The following C8orf89 variants were observed in gnomAD, a reference collection of about 807,000 sequenced individuals.
C8orf89 encodes chromosome 8 open reading frame 89, also known as putative uncharacterized protein C8orf89.
Under a neutral mutation model 15.8 loss-of-function variants are expected in C8orf89, and 14 were observed. That is an observed-to-expected ratio of 0.89 (90% CI 0.59 to 1.39). The LOEUF is 1.39. C8orf89 is among the 40% of genes most tolerant of loss of function. The pLI is 0.00. For synonymous variants in C8orf89, 55 were observed against 62.2 expected, an observed-to-expected ratio of 0.88 and a Z score of 0.54; for missense variants, 181 against 184.5, an observed-to-expected ratio of 0.98 and a Z score of 0.11.
the C8orf89 span, among the ~76,000 whole-genome samples, chr8:73,270,231 C>A: frequency 6.6e-6 from 1 of 152,134 alleles, no homozygotes; most frequent in African/African-American, 2.4e-5. Context: ...ACCCCCATCC[C>A]AATACCAAAC....
intron 3 of C8orf89, among the ~76,000 whole-genome samples, chr8:73,242,072 T>A (rs1056201635): frequency 6.6e-6 from 1 of 152,126 alleles, no homozygotes; most frequent in East Asian, 1.9e-4. Flanking sequence ...CTCCAGGACA[T>A]GGGAGTGGTC....
In C8orf89 at chr8:73,256,968, T is replaced by C. The variant is rs1337115193; in HGVS notation, c.281+5A>G. On this transcript the variant is annotated splice_donor_5th_base_variant and intron_variant, in intron 2 of 3. Coordinates refer to ENST00000624510, the MANE Select transcript of C8orf89 (RefSeq NM_001243237.3). ...ACAAATGAGAATTAAATAGCAATGA[T>C]CTACCTGACTGCAGACACCTCGGCA... 8.5e-6 allele frequency: 13 copies of C among 1,530,138 alleles called. No homozygotes were observed. The highest frequency in any genetic ancestry group is 1.2e-5 in the South Asian group (1 of 82,616). 94.8% of individuals were successfully genotyped at this position (1,530,138 alleles called of 1,614,324 possible).
the C8orf89 span, among the ~76,000 whole-genome samples, chr8:73,284,052 A>AG: frequency 1.3e-5 from 2 of 151,900 alleles, no homozygotes; most frequent in African/African-American, 4.8e-5. Flanking sequence ...TAAAAAAAAA[A>AG]AAGAAAAAAA....
the C8orf89 span, chr8:73,277,829 T>C: frequency 1.4e-6 from 1 of 713,738 alleles, no homozygotes; most frequent in Non-Finnish European, 2.7e-6. Context: ...CAGGTCCATT[T>C]TCTTTTCCCA....
At chr8:73,253,981 T>C (rs1473302738) in intron 2 of C8orf89, among the ~76,000 whole-genome samples, 1 of 151,818 alleles carries the variant, frequency 6.6e-6, no homozygotes, top group Non-Finnish European at 1.5e-5. Context: ...TGAATAGGAG[T>C]GGTGAGAGAG....
At chr8:73,274,824 G>A in the C8orf89 span, among the ~76,000 whole-genome samples, 4 of 151,942 alleles carry the variant, frequency 2.6e-5, no homozygotes, top group African/African-American at 9.7e-5. Context: ...TTTTTCACTC[G>A]AGATTGAGTC....
the C8orf89 span, among the ~76,000 whole-genome samples, chr8:73,282,176 C>T: frequency 6.6e-6 from 1 of 152,188 alleles, no homozygotes; most frequent in Non-Finnish European, 1.5e-5. Flanking sequence ...ACGATATACA[C>T]ATAAATGTGT....
At chr8:73,260,936 G>A (rs1813514360), upstream of C8orf89, among the ~76,000 whole-genome samples, 1 of 152,146 alleles carries the variant, frequency 6.6e-6, no homozygotes, top group Non-Finnish European at 1.5e-5. Context: ...AGGCAAACGT[G>A]GAAGGACTTG....
chr8:73,243,077 T>G (rs1344902334), intron 3 of C8orf89, among the ~76,000 whole-genome samples: 2 of 152,186 alleles, frequency 1.3e-5, no homozygotes, highest in African/African-American at 4.8e-5. Context: ...TCACATATTC[T>G]CAGTTATTTG....
Position 73,257,078 on chromosome 8 carries a change from A to G in C8orf89, c.176T>C (p.Met59Thr), listed in dbSNP as rs1183318143. Reference sequence around the variant, plus strand: ...ACTTTGCAGTCCTGGTAAATATGGCATTTTGATACATTCCTTGAGCTCTTC... The same window carrying G: ...ACTTTGCAGTCCTGGTAAATATGGCGTTTTGATACATTCCTTGAGCTCTTC... ...GLEELKECIK[M>T]PYLPGLQSCQ... The change falls in exon 2 of 4, where the codon ATG (methionine) becomes ACG (threonine). Residue 59 changes from methionine (M) to threonine (T), a missense_variant. Transcript: ENST00000624510. 7.8e-6 allele frequency: 12 copies of G among 1,535,468 alleles called. No individual in the cohort carries two copies. The highest frequency in any genetic ancestry group is 3.3e-4 in the Middle Eastern group (2 of 6,012).
At chr8:73,271,173 G>A in the C8orf89 span, among the ~76,000 whole-genome samples, 3 of 152,200 alleles carry the variant, frequency 2.0e-5, no homozygotes, top group Admixed American at 1.3e-4. Flanking sequence ...CTGCCTTACA[G>A]AGTCATTGTG....
At chr8:73,273,194 C>A in the C8orf89 span, among the ~76,000 whole-genome samples, 3 of 152,186 alleles carry the variant, frequency 2.0e-5, no homozygotes, top group Non-Finnish European at 4.4e-5. Flanking sequence ...AGAAGCCGTG[C>A]CCGTTTCTGA....
intron 2 of C8orf89, among the ~76,000 whole-genome samples, chr8:73,255,859 AC>A: frequency 6.6e-6 from 1 of 151,494 alleles, no homozygotes; most frequent in Admixed American, 6.6e-5. Context: ...TATCGCAAGG[AC>A]AAAAAACCAA....
chr8:73,257,505 T>A (rs748672067), intron 1 of C8orf89, among the ~76,000 whole-genome samples: 2 of 152,244 alleles, frequency 1.3e-5, no homozygotes, highest in Non-Finnish European at 2.9e-5. Context: ...ATTTCCATTT[T>A]CCTGCTTTTA....
chr8:73,244,004 T>C (rs1270789353), intron 3 of C8orf89, among the ~76,000 whole-genome samples: 1 of 151,834 alleles, frequency 6.6e-6, no homozygotes, highest in African/African-American at 2.4e-5. Flanking sequence ...TTTTAAAACA[T>C]GGGACAACTG....
At chr8:73,256,871 G>T in intron 2 of C8orf89, 102 bp downstream of exon 2, 2 of 668,828 alleles carry the variant, frequency 3.0e-6, no homozygotes, top group Non-Finnish European at 4.2e-6. Flanking sequence ...AAAAAAAACA[G>T]GCAAAAATGA....
chr8:73,264,287 T>C (rs888347489), upstream of C8orf89, among the ~76,000 whole-genome samples: 3 of 152,194 alleles, frequency 2.0e-5, no homozygotes, highest in Non-Finnish European at 4.4e-5. Flanking sequence ...GAAAGTATAC[T>C]TCAGGTGAAT....
chr8:73,250,622 G>A (rs1015107328), intron 2 of C8orf89, among the ~76,000 whole-genome samples: 44 of 152,188 alleles, frequency 2.9e-4, no homozygotes, highest in African/African-American at 9.6e-4. Context: ...ATTTGGATAC[G>A]TTGAATACCA....
the C8orf89 span, among the ~76,000 whole-genome samples, chr8:73,266,964 T>A: frequency 6.6e-6 from 1 of 152,180 alleles, no homozygotes; most frequent in African/African-American, 2.4e-5. Flanking sequence ...CAAAGACAAC[T>A]GCAATCATGG....
Sources: gnomAD v4.1 joint callset for allele counts (sites outside exome capture counted in the v4.1 genomes callset) on GRCh38, gnomAD v4.1.1 for gene constraint, MANE v1.5 for transcripts, NCBI Gene and HGNC (gene_info 2026-07-23, HGNC 2026-07-21) for gene names.